PCCA: variants seen among roughly 807,000 people sequenced by gnomAD.
The protein encoded by PCCA is propionyl-CoA carboxylase alpha chain, mitochondrial.
PCCA carries 74 observed loss-of-function variants against 101.3 expected under a neutral mutation model. The ratio of observed to expected loss-of-function variants is 0.73; its 90% CI spans 0.61 to 0.89. The LOEUF (loss-of-function observed/expected upper bound fraction) is 0.89, where lower values mean the gene tolerates loss of function less well. Among genes scored for constraint, PCCA ranks in the 40% least tolerant of loss-of-function variants. The probability of loss-of-function intolerance (pLI) is 0.00; values close to 1 mark genes in which losing one functional copy is unlikely to be tolerated. For missense variants in PCCA, 891 were observed against 907.0 expected, an observed-to-expected ratio of 0.98 and a Z score of 0.23; for synonymous variants, 294 against 313.6, an observed-to-expected ratio of 0.94 and a Z score of 0.66.
Position 100,117,151 on chromosome 13 carries a change from G to A in PCCA, c.300+5090G>A, listed in dbSNP as rs374472903. Among the ~76,000 whole-genome samples, 18 of 152,266 alleles carry A rather than the reference G, an allele frequency of 1.2e-4. No individual in the cohort carries two copies. The East Asian group carries it at 3.5e-3, about 29-fold the overall frequency. The stretch of plus-strand genomic sequence containing the variant: ...TTTTGTGTTTTATTTTTAAGTGGTT[G>A]TGAAGCAGTATGTCATTGTGTTTTT... On this transcript the variant is annotated intron_variant, in intron 4 of 23. Transcript: ENST00000376285.
intron 16 of PCCA, among the ~76,000 whole-genome samples, chr13:100,321,004 C>G (rs552297075): frequency 3.2e-4 from 49 of 151,938 alleles, no homozygotes; most frequent in African/African-American, 1.1e-3. Flanking sequence ...CCTCAGCCTC[C>G]CAAAGGGCTG....
chr13:100,223,926 C>A (rs1466392935), intron 7 of PCCA, among the ~76,000 whole-genome samples: 9 of 152,236 alleles, frequency 5.9e-5, no homozygotes, highest in Non-Finnish European at 1.2e-4. Flanking sequence ...ATTTACAATC[C>A]CTGAGCTAGA....
chr13:100,345,247 A>G (rs1463873558), intron 18 of PCCA, among the ~76,000 whole-genome samples: 1 of 152,264 alleles, frequency 6.6e-6, no homozygotes, highest in African/African-American at 2.4e-5. Flanking sequence ...CTCTTGTGCC[A>G]AATGGTTAGC....
chr13:100,302,858 ATAT>A, intron 13 of PCCA, 63 bp from the exon 14 acceptor site: 1 of 894,678 alleles, frequency 1.1e-6, no homozygotes, highest in Non-Finnish European at 1.9e-6. Context: ...CATTGTGTAA[ATAT>A]TTAACCTTAC....
chr13:100,334,339 G>A (rs528938587), intron 17 of PCCA, among the ~76,000 whole-genome samples: 1 of 152,138 alleles, frequency 6.6e-6, no homozygotes. Context: ...TGTACCCTGC[G>A]GCTTTTCTCC....
intron 4 of PCCA, among the ~76,000 whole-genome samples, chr13:100,146,815 G>T (rs2052627047): frequency 6.9e-6 from 1 of 145,186 alleles, no homozygotes; most frequent in Non-Finnish European, 1.5e-5. Context: ...TGTGGTATTT[G>T]TATTTAAATT....
chr13:100,455,085 A>G (rs2081609412), intron 21 of PCCA, among the ~76,000 whole-genome samples: 1 of 152,142 alleles, frequency 6.6e-6, no homozygotes, highest in Non-Finnish European at 1.5e-5. Context: ...CTGAGGTGGG[A>G]GGATCAAATA....
intron 18 of PCCA, among the ~76,000 whole-genome samples, chr13:100,360,264 C>T (rs961542107): frequency 1.1e-4 from 17 of 151,966 alleles, no homozygotes; most frequent in Admixed American, 6.6e-5. Context: ...TATTCAGTCA[C>T]CTCTTACTGC....
At chr13:100,290,544 CTTTTTTTT>C (rs2065045920) in intron 12 of PCCA, among the ~76,000 whole-genome samples, 1 of 151,964 alleles carries the variant, frequency 6.6e-6, no homozygotes, top group Non-Finnish European at 1.5e-5. Context: ...AATTCAGGGA[CTTTTTTTT>C]CCAACCAGGA....
chr13:100,207,525 C>T (rs552143045), intron 6 of PCCA, among the ~76,000 whole-genome samples: 10 of 151,990 alleles, frequency 6.6e-5, no homozygotes, highest in South Asian at 2.1e-4. Flanking sequence ...GGATTACAGG[C>T]GCATGCCACC....
At chr13:100,376,205 G>C (rs1468780520) in intron 19 of PCCA, among the ~76,000 whole-genome samples, 1 of 152,220 alleles carries the variant, frequency 6.6e-6, no homozygotes, top group Non-Finnish European at 1.5e-5. Context: ...ATTGCTGCCT[G>C]TTCCTTCCTC....
At chr13:100,179,088 A>AT (rs2056532535) in intron 6 of PCCA, among the ~76,000 whole-genome samples, 3 of 110,692 alleles carry the variant, frequency 2.7e-5, no homozygotes, top group African/African-American at 3.1e-5. Context: ...AAAAAAAAAA[A>AT]AAAATATATA....
intron 7 of PCCA, among the ~76,000 whole-genome samples, chr13:100,214,788 T>G (rs570373892): frequency 6.6e-6 from 1 of 152,220 alleles, no homozygotes; most frequent in South Asian, 2.1e-4. Context: ...GTATTTTATT[T>G]TATTTTATTT....
chr13:100,508,776 C>A (rs930135366), intron 21 of PCCA, among the ~76,000 whole-genome samples: 20 of 152,164 alleles, frequency 1.3e-4, no homozygotes, highest in Admixed American at 1.3e-3. Flanking sequence ...GTCTCCACAT[C>A]TTTTCTCCTT....
chr13:100,336,189 G>A (rs991318722), intron 17 of PCCA, among the ~76,000 whole-genome samples: 1 of 152,164 alleles, frequency 6.6e-6, no homozygotes, highest in East Asian at 1.9e-4. Flanking sequence ...TTGAACCCAG[G>A]AGGTAAAGGT....
chr13:100,209,501 A>G lies in PCCA; in HGVS notation c.600+38A>G, dbSNP rs1039724322. ...TTTAACTTTTATTGTATATGTCTTC[A>G]AGTTAAACATTTTGTCAAAAGTATA... On this transcript the variant is annotated intron_variant, in intron 7 of 23. Coordinates refer to ENST00000376285, the MANE Select transcript of PCCA (RefSeq NM_000282.4). 1.3e-5 allele frequency: 20 copies of G among 1,570,346 alleles called. No individual in the cohort carries two copies. In the African/African-American group the frequency reaches 2.0e-4, roughly 16 times the overall value.
chr13:100,320,014 T>C (rs1406993561), intron 16 of PCCA, among the ~76,000 whole-genome samples: 1 of 152,234 alleles, frequency 6.6e-6, no homozygotes, highest in African/African-American at 2.4e-5. Context: ...AGCAGTGTTT[T>C]GTAGTTCTGT....
intron 19 of PCCA, among the ~76,000 whole-genome samples, chr13:100,387,657 T>C (rs2076585801): frequency 6.6e-6 from 1 of 152,226 alleles, no homozygotes; most frequent in African/African-American, 2.4e-5. Context: ...AAATCAAGTC[T>C]GAAGAGTAAC....
At chr13:100,486,571 AAAAAT>A (rs1293709835) in intron 21 of PCCA, among the ~76,000 whole-genome samples, 2 of 152,344 alleles carry the variant, frequency 1.3e-5, no homozygotes, top group African/African-American at 2.4e-5. Flanking sequence ...TGTAACATGA[AAAAAT>A]AAAGTTAAAA....
Sources: allele counts gnomAD v4.1 joint callset (sites outside exome capture counted in the v4.1 genomes callset), GRCh38; gene constraint gnomAD v4.1.1; transcripts MANE v1.5; gene names NCBI Gene and HGNC (gene_info 2026-07-23, HGNC 2026-07-21).